MARCHF1: variants seen among roughly 807,000 people sequenced by gnomAD.
MARCHF1 encodes the protein E3 ubiquitin-protein ligase MARCHF1.
MARCHF1 carries 40 observed loss-of-function variants against 54.2 expected under a neutral mutation model. The ratio of observed to expected loss-of-function variants is 0.74; its 90% CI spans 0.57 to 0.96. MARCHF1 has a LOEUF of 0.96. Ranked by LOEUF, MARCHF1 falls within the 40% of genes least tolerant of loss-of-function variation. MARCHF1 has a pLI of 0.00. For synonymous variants in MARCHF1, 236 were observed against 236.3 expected (o/e 1.00, Z 0.01); for missense variants, 586 against 656.5 (o/e 0.89, Z 1.17).
At chr4:163,927,831 C>G (rs1340898191) in intron 3 of MARCHF1, among the ~76,000 whole-genome samples, 1 of 151,626 alleles carries the variant, frequency 6.6e-6, no homozygotes, top group Non-Finnish European at 1.5e-5. Context: ...ATTAGCATAC[C>G]GTTTGAATAT....
downstream of MARCHF1, chr4:163,524,629 C>G (rs938842047): frequency 6.6e-6 from 1 of 152,074 alleles, no homozygotes. Context: ...TATGTTCAGA[C>G]CCTTGTAAAA....
rs570946510 is a variant in MARCHF1, at chr4:164,356,900, G to T, written c.-323+26970C>A. Among the ~76,000 whole-genome samples, 19 of 150,914 alleles carry T rather than the reference G, an allele frequency of 1.3e-4. No individual in the cohort carries two copies. The East Asian group carries it at 1.6e-3, about 13-fold the overall frequency. ...TCTCACTTACAAGTGGGAGCTAAAT[G>T]TTGAGAACACATGGACACATAGAGG... On this transcript the variant is annotated intron_variant, in intron 1 of 9. Transcript: ENST00000514618.
intron 2 of MARCHF1, among the ~76,000 whole-genome samples, chr4:164,015,342 A>G (rs1363837724): frequency 1.3e-5 from 2 of 152,214 alleles, no homozygotes; most frequent in African/African-American, 2.4e-5. Context: ...AATTGTAACT[A>G]TAAAACTACC....
At chr4:164,078,216 G>A (rs1303012050) in intron 2 of MARCHF1, among the ~76,000 whole-genome samples, 1 of 152,100 alleles carries the variant, frequency 6.6e-6, no homozygotes, top group Non-Finnish European at 1.5e-5. Context: ...AAAAGGATGA[G>A]TTCATGTCCT....
chr4:163,949,181 G>T (rs1752081174), intron 3 of MARCHF1, among the ~76,000 whole-genome samples: 1 of 152,212 alleles, frequency 6.6e-6, no homozygotes, highest in Non-Finnish European at 1.5e-5. Flanking sequence ...GTGAGCATGG[G>T]GTCTGGCCAC....
chr4:163,756,267 T>A (rs907934991), intron 4 of MARCHF1, among the ~76,000 whole-genome samples: 2 of 152,100 alleles, frequency 1.3e-5, no homozygotes, highest in African/African-American at 4.8e-5. Flanking sequence ...TGTTTAATTC[T>A]TACTCCAGGG....
chr4:163,729,380 G>A (rs1745762494), intron 4 of MARCHF1, among the ~76,000 whole-genome samples: 1 of 149,510 alleles, frequency 6.7e-6, no homozygotes, highest in African/African-American at 2.5e-5. Context: ...TAAATGTACA[G>A]TTCACCAGTT....
chr4:163,798,151 T>C (rs1485140019), intron 4 of MARCHF1, among the ~76,000 whole-genome samples: 4 of 152,156 alleles, frequency 2.6e-5, no homozygotes, highest in Admixed American at 6.6e-5. Context: ...AATGAGATCA[T>C]GAGTATGGAA....
chr4:164,279,283 GAAGAT>G (rs934723425), intron 1 of MARCHF1, among the ~76,000 whole-genome samples: 6 of 151,342 alleles, frequency 4.0e-5, no homozygotes, highest in African/African-American at 9.7e-5. Flanking sequence ...AGGATTTTTA[GAAGAT>G]AAGTAAATAA....
intron 1 of MARCHF1, among the ~76,000 whole-genome samples, chr4:164,203,800 A>G (rs1304882862): frequency 6.6e-6 from 1 of 152,192 alleles, no homozygotes. Context: ...GAGAGTAGAC[A>G]TCATTGTGAA....
chr4:164,006,146 C>T (rs1208295507), intron 2 of MARCHF1, among the ~76,000 whole-genome samples: 1 of 151,888 alleles, frequency 6.6e-6, no homozygotes, highest in African/African-American at 2.4e-5. Flanking sequence ...CCAAATGAGG[C>T]AATAAATTGT....
In MARCHF1 at chr4:163,609,344, C is replaced by T. The variant is rs1489601720; in HGVS notation, c.1010+2927G>A. On this transcript the variant is annotated intron_variant, in intron 7 of 9. Coordinates refer to ENST00000514618, the MANE Select transcript of MARCHF1 (RefSeq NM_001394959.1). ...CATTAACATCAACATTTACTGTTGT[C>T]CCAAGTTCCAAGATTTGGAGTCATT... Among the ~76,000 whole-genome samples, 3 of 152,162 alleles carry T rather than the reference C, an allele frequency of 2.0e-5. No individual in the cohort carries two copies. The East Asian group carries it at 5.8e-4, about 29-fold the overall frequency.
intron 1 of MARCHF1, among the ~76,000 whole-genome samples, chr4:164,274,266 T>C (rs1470610032): frequency 6.6e-6 from 1 of 152,200 alleles, no homozygotes; most frequent in Admixed American, 6.5e-5. Context: ...AGCTTAACTA[T>C]CATTCAGCTC....
chr4:164,147,260 T>C (rs1207230154), intron 1 of MARCHF1, among the ~76,000 whole-genome samples: 1 of 148,154 alleles, frequency 6.7e-6, no homozygotes, highest in African/African-American at 2.5e-5. Context: ...TGGAAGTCAG[T>C]GTGGCGATTC....
At chr4:164,197,585 C>G in intron 1 of MARCHF1, 1 of 1,613,234 alleles carries the variant, frequency 6.2e-7, no homozygotes, top group Non-Finnish European at 8.5e-7. Context: ...AATTCCAGTT[C>G]TTCAAATTCA....
chr4:164,146,580 C>A (rs1729749568), intron 1 of MARCHF1, among the ~76,000 whole-genome samples: 1 of 152,002 alleles, frequency 6.6e-6, no homozygotes, highest in African/African-American at 2.4e-5. Context: ...GGAAAGGATT[C>A]CCTATTTAAT....
chr4:164,128,447 C>G (rs1579557206), intron 1 of MARCHF1, among the ~76,000 whole-genome samples: 1 of 151,572 alleles, frequency 6.6e-6, no homozygotes. Flanking sequence ...ACTTAAAATC[C>G]CACAGAAATG....
At chr4:163,709,550 A>G (rs1211318540) in intron 4 of MARCHF1, among the ~76,000 whole-genome samples, 1 of 152,224 alleles carries the variant, frequency 6.6e-6, no homozygotes, top group Non-Finnish European at 1.5e-5. Context: ...TGTATATCAT[A>G]AAGGTATATC....
intron 2 of MARCHF1, among the ~76,000 whole-genome samples, chr4:164,007,978 C>T (rs1010517441): frequency 6.6e-6 from 1 of 152,016 alleles, no homozygotes; most frequent in Admixed American, 6.6e-5. Flanking sequence ...CTATCAATAA[C>T]ACTTATTAAT....
Sources: allele counts gnomAD v4.1 joint callset (sites outside exome capture counted in the v4.1 genomes callset), GRCh38; gene constraint gnomAD v4.1.1; transcripts MANE v1.5; gene names NCBI Gene and HGNC (gene_info 2026-07-23, HGNC 2026-07-21).